CNTN4: variants seen among roughly 807,000 people sequenced by gnomAD.
The protein encoded by CNTN4 is contactin-4.
Under a neutral mutation model 122.5 loss-of-function variants are expected in CNTN4, and 77 were observed. The observed-to-expected ratio is 0.63, with a 90% CI of 0.52 to 0.76. The LOEUF (loss-of-function observed/expected upper bound fraction) is 0.76, where lower values mean the gene tolerates loss of function less well. CNTN4 is among the 30% of genes least tolerant of loss of function. CNTN4 has a pLI of 0.00. For synonymous variants in CNTN4, 512 were observed against 447.0 expected (o/e 1.15, Z -1.83); for missense variants, 1,256 against 1,259.1 (o/e 1.00, Z 0.04).
At chr3:2,512,604 A>G (rs1369084123) in intron 3 of CNTN4, among the ~76,000 whole-genome samples, 54 of 152,338 alleles carry the variant, frequency 3.5e-4, no homozygotes, top group Admixed American at 6.5e-5. Context: ...CTAAACATAA[A>G]TCACACCTGT....
At chr3:2,592,250 G>T (rs1403854809) in intron 4 of CNTN4, among the ~76,000 whole-genome samples, 1 of 152,102 alleles carries the variant, frequency 6.6e-6, no homozygotes, top group African/African-American at 2.4e-5. Flanking sequence ...AATTAATATG[G>T]CACTGATACA....
At chr3:2,795,972 A>T (rs1346035362) in intron 6 of CNTN4, among the ~76,000 whole-genome samples, 2 of 152,204 alleles carry the variant, frequency 1.3e-5, no homozygotes, top group Non-Finnish European at 2.9e-5. Flanking sequence ...GAAGGTGTAA[A>T]TAACCATTTC....
intron 4 of CNTN4, among the ~76,000 whole-genome samples, chr3:2,573,989 G>A: frequency 6.6e-6 from 1 of 152,236 alleles, no homozygotes; most frequent in South Asian, 2.1e-4. Flanking sequence ...GGCCGAGGTG[G>A]GTGGATAACC....
intron 4 of CNTN4, among the ~76,000 whole-genome samples, chr3:2,702,528 C>T (rs189006632): frequency 6.6e-6 from 1 of 152,332 alleles, no homozygotes; most frequent in East Asian, 1.9e-4. Context: ...TCCTTGTGCC[C>T]TCTGGCATGC....
At chr3:2,255,533 T>A (rs2040548744) in intron 2 of CNTN4, among the ~76,000 whole-genome samples, 1 of 152,110 alleles carries the variant, frequency 6.6e-6, no homozygotes. Context: ...ACTCTAATAA[T>A]TGGAAGTAAA....
Position 2,533,117 on chromosome 3 carries a change from A to T in CNTN4, c.-88-38299A>T, listed in dbSNP as rs369790209. On this transcript the variant is annotated intron_variant, in intron 3 of 24. Coordinates refer to ENST00000418658, the MANE Select transcript of CNTN4 (RefSeq NM_175607.3). ...GCTACTTTCTCGGAAAATGTAGAAG[A>T]CAGATTGATTCTTCTTTTTTTTTTT... Among the ~76,000 whole-genome samples the T allele has an allele frequency of 9.2e-5, 14 of 151,426 alleles. No homozygotes were observed. In the East Asian group the frequency reaches 2.3e-3, roughly 25 times the overall value.
chr3:2,529,998 T>A (rs1371330638), intron 3 of CNTN4, among the ~76,000 whole-genome samples: 2 of 152,164 alleles, frequency 1.3e-5, no homozygotes, highest in Non-Finnish European at 2.9e-5. Context: ...GAAAATGCTG[T>A]GCTTTTTAGA....
chr3:2,200,787 G>A (rs767205692), intron 2 of CNTN4, among the ~76,000 whole-genome samples: 4 of 152,154 alleles, frequency 2.6e-5, no homozygotes, highest in Non-Finnish European at 4.4e-5. Context: ...GGTCCTGAAT[G>A]AATGTGGTGC....
At chr3:2,831,220 T>C (rs1038537059) in intron 7 of CNTN4, among the ~76,000 whole-genome samples, 2 of 152,200 alleles carry the variant, frequency 1.3e-5, no homozygotes, top group African/African-American at 4.8e-5. Flanking sequence ...TTTGATTCTA[T>C]GTAATATCAA....
chr3:2,294,985 T>C (rs1296621625), intron 2 of CNTN4, among the ~76,000 whole-genome samples: 8 of 152,134 alleles, frequency 5.3e-5, no homozygotes, highest in Admixed American at 1.3e-4. Context: ...ATTTCATCCA[T>C]GTCCCTACAA....
chr3:2,125,326 TTC>T (rs147998533), intron 2 of CNTN4, among the ~76,000 whole-genome samples: 53 of 86,834 alleles, frequency 6.1e-4, no homozygotes, highest in African/African-American at 1.9e-3. Flanking sequence ...TAACATTCTA[TTC>T]TCTGTGTGTG....
intron 14 of CNTN4, among the ~76,000 whole-genome samples, chr3:2,992,657 A>G (rs1695156445): frequency 6.6e-6 from 1 of 152,202 alleles, no homozygotes; most frequent in African/African-American, 2.4e-5. Context: ...GTAGTTCAAC[A>G]AGATAACTAT....
chr3:2,228,736 G>T (rs975436518), intron 2 of CNTN4, among the ~76,000 whole-genome samples: 1 of 152,094 alleles, frequency 6.6e-6, no homozygotes, highest in Non-Finnish European at 1.5e-5. Flanking sequence ...TAATATATAT[G>T]AATGACTATT....
intron 3 of CNTN4, among the ~76,000 whole-genome samples, chr3:2,526,104 G>A (rs778307211): frequency 1.3e-5 from 2 of 151,928 alleles, no homozygotes; most frequent in South Asian, 4.2e-4. Flanking sequence ...TTATAATCCC[G>A]CCCACCCTCC....
intron 10 of CNTN4, among the ~76,000 whole-genome samples, chr3:2,887,459 A>T (rs111627856): frequency 7.6e-4 from 115 of 152,158 alleles, no homozygotes; most frequent in African/African-American, 2.7e-3. Flanking sequence ...TGTTTGGAGG[A>T]TGGGTATTAG....
In CNTN4 at chr3:2,810,512, C is replaced by A. The variant is rs183776691; in HGVS notation, c.359-8974C>A. On this transcript the variant is annotated intron_variant, in intron 6 of 24. Coordinates refer to ENST00000418658, the MANE Select transcript of CNTN4 (RefSeq NM_175607.3). The stretch of plus-strand genomic sequence containing the variant: ...ATTTTGCTAAATAGAGGATTGCTGA[C>A]CCTAGGCAAATTTGTCTTTGGCAGT... Among the ~76,000 whole-genome samples, 642 of 152,230 alleles carry A rather than the reference C, an allele frequency of 4.2e-3. 2 individuals carry two copies. The highest frequency in any genetic ancestry group is 0.014 in the African/African-American group (589 of 41,546).
intron 4 of CNTN4, among the ~76,000 whole-genome samples, chr3:2,681,370 G>A (rs74341985): frequency 2.0e-5 from 3 of 152,268 alleles, no homozygotes; most frequent in East Asian, 3.9e-4. Flanking sequence ...CTGGAGCAGC[G>A]TGTGATCTCA....
At chr3:2,274,137 C>T (rs1188072839) in intron 2 of CNTN4, among the ~76,000 whole-genome samples, 1 of 152,116 alleles carries the variant, frequency 6.6e-6, no homozygotes, top group African/African-American at 2.4e-5. Flanking sequence ...AATCCCAGCA[C>T]TTTGCGAGGC....
intron 3 of CNTN4, among the ~76,000 whole-genome samples, chr3:2,449,357 G>A (rs576362398): frequency 0.029 from 4,415 of 152,260 alleles, 194 homozygotes; most frequent in African/African-American, 0.095. Context: ...ACTCACACCT[G>A]TAATCCCAGC....
Sources: allele counts gnomAD v4.1 joint callset (sites outside exome capture counted in the v4.1 genomes callset), GRCh38; gene constraint gnomAD v4.1.1; transcripts MANE v1.5; gene names NCBI Gene and HGNC (gene_info 2026-07-23, HGNC 2026-07-21).